KLHL1: variants seen among roughly 807,000 people sequenced by gnomAD.
KLHL1 encodes the protein kelch like family member 1.
KLHL1 carries 47 observed loss-of-function variants against 77.7 expected under a neutral mutation model. The ratio of observed to expected loss-of-function variants is 0.60; its 90% CI spans 0.48 to 0.77. The LOEUF (loss-of-function observed/expected upper bound fraction) is 0.77. Among genes scored for constraint, KLHL1 ranks in the 30% least tolerant of loss-of-function variants. KLHL1 has a pLI of 0.00. For missense variants in KLHL1, 925 were observed against 910.8 expected (o/e 1.02, Z -0.20); for synonymous variants, 360 against 325.2 (o/e 1.11, Z -1.15).
At chr13:69,928,645 A>G (rs1159901112) in intron 4 of KLHL1, among the ~76,000 whole-genome samples, 1 of 152,206 alleles carries the variant, frequency 6.6e-6, no homozygotes, top group Non-Finnish European at 1.5e-5. Context: ...TCTTGAGTAT[A>G]TTATGCTAAG....
chr13:69,839,138 C>T lies in KLHL1; in HGVS notation c.1252G>A (p.Ala418Thr), dbSNP rs1420970692. The change falls in exon 6 of 11, where the codon GCA (alanine) becomes ACA (threonine). Residue 418 changes from alanine to threonine, a missense_variant. Ala to Thr is a moderately conservative substitution (Grantham distance 58). Transcript: ENST00000377844. ...PQILADLENH[A>T]LFKNDLECQK... ...CATTCCAGATCATTCTTAAATAATGCATGATTTTCTAGGTCAGCCAATATC... is the reference window on the plus strand; with the variant it reads ...CATTCCAGATCATTCTTAAATAATGTATGATTTTCTAGGTCAGCCAATATC... 1.9e-6 allele frequency: 3 copies of T among 1,602,456 alleles called. No individual in the cohort carries two copies. Among genetic ancestry groups the T allele is most frequent in the Non-Finnish European group, 2.6e-6 (3 of 1,173,634 alleles).
At position 70,041,132 on chromosome 13, in the gene KLHL1, A is replaced by AT. The variant is rs546047839; in HGVS notation, c.498-65331dup. Among the ~76,000 whole-genome samples, 18 of 152,050 alleles carry AT rather than the reference A, an allele frequency of 1.2e-4. 1 individual carries two copies. In the South Asian group the frequency reaches 3.3e-3, roughly 28 times the overall value. ...TCTATACCTTTGCTCATTTTAAAAA[A>AT]TTTTTTTTATTTGTAGTAGACATGT... On this transcript the variant is annotated intron_variant, in intron 1 of 10. Transcript: ENST00000377844.
intron 5 of KLHL1, among the ~76,000 whole-genome samples, chr13:69,853,406 A>G (rs914925015): frequency 6.6e-6 from 1 of 151,932 alleles, no homozygotes; most frequent in African/African-American, 2.4e-5. Flanking sequence ...CATGATTGTA[A>G]GTTTCCCGAG....
chr13:69,775,408 A>T (rs1429270704), intron 7 of KLHL1, among the ~76,000 whole-genome samples: 1 of 152,126 alleles, frequency 6.6e-6, no homozygotes, highest in Non-Finnish European at 1.5e-5. Context: ...TATCAATGTC[A>T]ATACCTTTCA....
At chr13:69,913,320 T>C (rs1054544305) in intron 4 of KLHL1, among the ~76,000 whole-genome samples, 1 of 152,132 alleles carries the variant, frequency 6.6e-6, no homozygotes, top group Non-Finnish European at 1.5e-5. Flanking sequence ...CAAAGCCCCT[T>C]GGAGACCACC....
intron 5 of KLHL1, among the ~76,000 whole-genome samples, chr13:69,852,099 A>G (rs1420468719): frequency 6.6e-6 from 1 of 151,850 alleles, no homozygotes; most frequent in African/African-American, 2.4e-5. Flanking sequence ...TCTTATAAGA[A>G]ATTGCTCTGA....
intron 4 of KLHL1, among the ~76,000 whole-genome samples, chr13:69,901,521 C>T (rs963169154): frequency 1.6e-4 from 24 of 152,080 alleles, no homozygotes; most frequent in African/African-American, 5.6e-4. Flanking sequence ...AGACAGATGA[C>T]ATATTTTTGG....
chr13:69,823,036 C>T (rs1388873942), intron 6 of KLHL1, among the ~76,000 whole-genome samples: 2 of 152,122 alleles, frequency 1.3e-5, no homozygotes, highest in Admixed American at 1.3e-4. Flanking sequence ...TGCATTTTAA[C>T]TGTATTTGCT....
At chr13:70,052,583 T>A (rs1227399873) in intron 1 of KLHL1, among the ~76,000 whole-genome samples, 1 of 151,952 alleles carries the variant, frequency 6.6e-6, no homozygotes, top group East Asian at 1.9e-4. Context: ...TTAGTTAATT[T>A]TAAGTATATT....
In KLHL1 at chr13:69,818,546, G is replaced by A. The variant is rs74710376; in HGVS notation, c.1414+20430C>T. Among the ~76,000 whole-genome samples the A allele has an allele frequency of 3.3e-3, 498 of 152,146 alleles. 2 individuals are homozygous for A. Among genetic ancestry groups the A allele is most frequent in the Middle Eastern group, 6.8e-3 (2 of 294 alleles). Reference sequence around the variant, plus strand: ...GCATCTTTTTTTAATTCTAAAGATGGATGCAAATGCAGATATCCTGTCTTA... The same window carrying A: ...GCATCTTTTTTTAATTCTAAAGATGAATGCAAATGCAGATATCCTGTCTTA... On this transcript the variant is annotated intron_variant, in intron 6 of 10. Transcript: ENST00000377844.
chr13:69,845,106 A>G (rs1879409234), intron 5 of KLHL1, among the ~76,000 whole-genome samples: 1 of 151,644 alleles, frequency 6.6e-6, no homozygotes, highest in African/African-American at 2.4e-5. Context: ...ACTGTACATA[A>G]GCCCCACCAT....
At chr13:69,736,178 A>G (rs541291425) in intron 8 of KLHL1, among the ~76,000 whole-genome samples, 2 of 151,806 alleles carry the variant, frequency 1.3e-5, no homozygotes, top group South Asian at 2.1e-4. Flanking sequence ...AAGGAACTCA[A>G]ACAAATTAGC....
intron 2 of KLHL1, among the ~76,000 whole-genome samples, chr13:69,966,166 AAAG>A (rs1366146791): frequency 1.3e-5 from 2 of 152,204 alleles, no homozygotes; most frequent in Non-Finnish European, 2.9e-5. Context: ...CCATATATAT[AAAG>A]AAGATGTCAT....
chr13:69,783,945 T>C (rs1368958404), intron 7 of KLHL1, among the ~76,000 whole-genome samples: 2 of 152,008 alleles, frequency 1.3e-5, no homozygotes, highest in African/African-American at 4.8e-5. Context: ...GAAGGTCGGG[T>C]TACCCACAAA....
At chr13:70,039,274 G>A (rs1026224694) in intron 1 of KLHL1, among the ~76,000 whole-genome samples, 6 of 151,882 alleles carry the variant, frequency 4.0e-5, no homozygotes, top group African/African-American at 1.5e-4. Context: ...GGTAGAGACA[G>A]GGTTACACTA....
At chr13:69,815,715 TA>T (rs66587286) in intron 6 of KLHL1, among the ~76,000 whole-genome samples, 2,960 of 152,316 alleles carry the variant, frequency 0.019, 44 homozygotes, top group Non-Finnish European at 0.033. Flanking sequence ...TAAAATTTTT[TA>T]AAAAAGCCGT....
chr13:69,870,179 G>A (rs1880525177), intron 5 of KLHL1, among the ~76,000 whole-genome samples: 1 of 152,130 alleles, frequency 6.6e-6, no homozygotes. Flanking sequence ...ATGAGCATCT[G>A]CTTTAGGTAA....
chr13:69,903,862 G>T (rs1012833800), intron 4 of KLHL1, among the ~76,000 whole-genome samples: 11 of 151,326 alleles, frequency 7.3e-5, no homozygotes, highest in African/African-American at 2.2e-4. Flanking sequence ...GGATGGTCTC[G>T]AACTCTTGAC....
At chr13:69,887,649 T>A (rs1183065280) in intron 4 of KLHL1, among the ~76,000 whole-genome samples, 1 of 152,180 alleles carries the variant, frequency 6.6e-6, no homozygotes, top group East Asian at 1.9e-4. Context: ...TGCCACTTTA[T>A]AACAAGGGTC....
Sources: allele counts gnomAD v4.1 joint callset (sites outside exome capture counted in the v4.1 genomes callset), GRCh38; gene constraint gnomAD v4.1.1; transcripts MANE v1.5; gene names NCBI Gene and HGNC (gene_info 2026-07-23, HGNC 2026-07-21).